SCP2: variants seen among roughly 807,000 people sequenced by gnomAD.
SCP2 encodes the protein SCP-2/3-oxoacyl-CoA thiolase.
In SCP2, 48 loss-of-function variants were observed where a neutral mutation model predicts 71.4. The observed-to-expected ratio is 0.67, with a 90% CI of 0.53 to 0.86. The LOEUF is 0.86. SCP2 is among the 40% of genes least tolerant of loss of function. SCP2 has a pLI of 0.00. For synonymous variants in SCP2, 220 were observed against 218.1 expected (o/e 1.01, Z -0.08); for missense variants, 560 against 655.6 (o/e 0.85, Z 1.59).
intron 11 of SCP2, chr1:52,994,705 A>G: frequency 1.4e-6 from 1 of 695,668 alleles, no homozygotes; most frequent in Non-Finnish European, 2.4e-6. Context: ...GCGAGCAAAA[A>G]AATTAAAATA....
intron 10 of SCP2, among the ~76,000 whole-genome samples, chr1:52,986,947 T>C (rs1469395865): frequency 6.7e-6 from 1 of 149,382 alleles, no homozygotes; most frequent in Non-Finnish European, 1.5e-5. Flanking sequence ...ACTCAGCACA[T>C]ACAAATTGAA....
At chr1:52,960,137 G>T (rs923770018) in intron 5 of SCP2, among the ~76,000 whole-genome samples, 1 of 151,928 alleles carries the variant, frequency 6.6e-6, no homozygotes, top group Non-Finnish European at 1.5e-5. Context: ...TGATCCGCCC[G>T]CCTGGCCTCC....
intron 11 of SCP2, among the ~76,000 whole-genome samples, chr1:53,010,405 T>C (rs1320123382): frequency 6.6e-6 from 1 of 152,126 alleles, no homozygotes; most frequent in Non-Finnish European, 1.5e-5. Flanking sequence ...TATAGTGGAT[T>C]AAGAAAATGT....
chr1:52,930,730 A>G (rs878867051), intron 1 of SCP2, among the ~76,000 whole-genome samples: 1 of 152,206 alleles, frequency 6.6e-6, no homozygotes, highest in Non-Finnish European at 1.5e-5. Context: ...CTCACCACGT[A>G]ATGGATTTTT....
At chr1:52,980,942 G>A (rs566531902) in intron 10 of SCP2, among the ~76,000 whole-genome samples, 54 of 151,070 alleles carry the variant, frequency 3.6e-4, no homozygotes, top group African/African-American at 1.3e-3. Context: ...TTGTTTTTTC[G>A]TTTTTCTGAG....
chr1:53,004,282 G>T (rs1660491452), intron 11 of SCP2, among the ~76,000 whole-genome samples: 3 of 152,314 alleles, frequency 2.0e-5, no homozygotes, highest in South Asian at 2.1e-4. Flanking sequence ...TCGACTGAGG[G>T]TAACTGAAAC....
chr1:52,940,654 G>T (rs1654146852), intron 1 of SCP2, among the ~76,000 whole-genome samples: 2 of 152,300 alleles, frequency 1.3e-5, no homozygotes, highest in East Asian at 3.9e-4. Flanking sequence ...CATGTGAAAT[G>T]CTTAACACAA....
At chr1:52,946,151 G>A (rs1654769875) in intron 2 of SCP2, among the ~76,000 whole-genome samples, 1 of 151,724 alleles carries the variant, frequency 6.6e-6, no homozygotes, top group Non-Finnish European at 1.5e-5. Flanking sequence ...TTGGTCTTGA[G>A]GTCCTGGGCT....
intron 12 of SCP2, among the ~76,000 whole-genome samples, chr1:53,027,719 G>T (rs956422955): frequency 6.6e-6 from 1 of 152,114 alleles, no homozygotes; most frequent in African/African-American, 2.4e-5. Context: ...TGGCCAGGCT[G>T]GTCTCGAACT....
intron 6 of SCP2, among the ~76,000 whole-genome samples, chr1:52,964,368 T>A (rs1656758615): frequency 6.6e-6 from 1 of 151,566 alleles, no homozygotes; most frequent in Non-Finnish European, 1.5e-5. Flanking sequence ...ACACATGGCA[T>A]TTTTTGTATT....
intron 13 of SCP2, among the ~76,000 whole-genome samples, chr1:53,038,378 T>C (rs1291648482): frequency 6.6e-6 from 1 of 152,060 alleles, no homozygotes; most frequent in Admixed American, 6.6e-5. Flanking sequence ...TGTCCCTCCT[T>C]CCCTTCCACC....
chr1:53,045,211 C>A (rs1572236155), intron 14 of SCP2, among the ~76,000 whole-genome samples: 1 of 152,220 alleles, frequency 6.6e-6, no homozygotes, highest in Non-Finnish European at 1.5e-5. Flanking sequence ...CCTCCTGCCC[C>A]CCTGCTATCA....
At chr1:53,014,222 A>G (rs1661182783) in intron 11 of SCP2, among the ~76,000 whole-genome samples, 1 of 151,926 alleles carries the variant, frequency 6.6e-6, no homozygotes, top group Non-Finnish European at 1.5e-5. Context: ...AACATTCTTA[A>G]CCCAGCTCTC....
At chr1:52,961,343 T>A (rs1656427446) in intron 5 of SCP2, among the ~76,000 whole-genome samples, 160 bp from the exon 6 acceptor site, 1 of 152,044 alleles carries the variant, frequency 6.6e-6, no homozygotes. Flanking sequence ...CTTCTTCCCA[T>A]GTTTCCCTGT....
At chr1:52,936,768 A>G (rs2150103617) in intron 1 of SCP2, among the ~76,000 whole-genome samples, 1 of 152,310 alleles carries the variant, frequency 6.6e-6, no homozygotes, top group Admixed American at 6.5e-5. Context: ...CCAAGAGAGT[A>G]ATTACTGTAA....
intron 2 of SCP2, among the ~76,000 whole-genome samples, chr1:52,943,049 G>A (rs868275607): frequency 3.3e-5 from 5 of 151,858 alleles, no homozygotes; most frequent in Middle Eastern, 3.4e-3. Flanking sequence ...ATTCACACAC[G>A]CATGAAAATG....
intron 1 of SCP2, among the ~76,000 whole-genome samples, chr1:52,932,498 G>A (rs970806226): frequency 6.6e-6 from 1 of 152,054 alleles, no homozygotes; most frequent in Non-Finnish European, 1.5e-5. Context: ...CCAAAATGGC[G>A]GCGTAAACCA....
chr1:52,961,401 C>T, intron 5 of SCP2, 102 bp from the exon 6 acceptor site: 1 of 1,218,088 alleles, frequency 8.2e-7, no homozygotes, highest in Non-Finnish European at 1.2e-6. Flanking sequence ...TTCTGGTGTA[C>T]TATGTGCTTA....
chr1:52,975,042 G>A (rs997313837), intron 7 of SCP2, among the ~76,000 whole-genome samples: 3 of 151,926 alleles, frequency 2.0e-5, no homozygotes, highest in Non-Finnish European at 4.4e-5. Flanking sequence ...TATCATTTAG[G>A]CTAATGACCC....
Sources: gnomAD v4.1 joint callset for allele counts (sites outside exome capture counted in the v4.1 genomes callset) on GRCh38, gnomAD v4.1.1 for gene constraint, MANE v1.5 for transcripts, NCBI Gene and HGNC (gene_info 2026-07-23, HGNC 2026-07-21) for gene names.